UEVLD: variants seen among roughly 807,000 people sequenced by gnomAD.
UEVLD encodes ubiquitin-conjugating enzyme E2 variant 3.
UEVLD carries 47 observed loss-of-function variants against 58.6 expected under a neutral mutation model. The ratio of observed to expected loss-of-function variants is 0.80; its 90% CI spans 0.63 to 1.02. The LOEUF (loss-of-function observed/expected upper bound fraction) is 1.02, where lower values mean the gene tolerates loss of function less well. UEVLD is among the 50% of genes least tolerant of loss of function. The pLI, the probability that UEVLD is intolerant of heterozygous loss-of-function variation, is 0.00. For missense variants in UEVLD, 510 were observed against 550.6 expected, an observed-to-expected ratio of 0.93 and a Z score of 0.74; for synonymous variants, 197 against 195.3, an observed-to-expected ratio of 1.01 and a Z score of -0.07.
chr11:18,560,122 CACACACACACACACACAGAG>C (rs1175033649), intron 6 of UEVLD, among the ~76,000 whole-genome samples: 15 of 88,222 alleles, frequency 1.7e-4, no homozygotes, highest in African/African-American at 2.7e-4. Flanking sequence ...CACACACACA[CACACACACACACACACAGAG>C]AGAGAAAGAA....
intron 7 of UEVLD, among the ~76,000 whole-genome samples, chr11:18,555,675 T>C (rs954582663): frequency 2.0e-5 from 3 of 152,168 alleles, no homozygotes; most frequent in Admixed American, 6.5e-5. Flanking sequence ...AAGCTGGGTA[T>C]GGTGACGTGC....
Position 18,546,999 on chromosome 11 carries a change from A to G in UEVLD, c.767T>C (p.Leu256Ser), listed in dbSNP as rs536368899. 1.2e-6 allele frequency: 2 copies of G among 1,614,116 alleles called. No homozygotes were observed. Among genetic ancestry groups the G allele is most frequent in the Admixed American group, 1.7e-5 (1 of 59,990 alleles). The change falls in exon 8 of 12, where the codon TTG (leucine) becomes TCG (serine). Residue 256 changes from leucine (L) to serine (S), a missense_variant. Physicochemically the swap from Leu to Ser is moderately radical, Grantham distance 145 (BLOSUM62 -2). Coordinates refer to ENST00000396197, the MANE Select transcript of UEVLD (RefSeq NM_001040697.4). ...ATCAAGGTACGACTGAGAACTACCCAAAGAGTTGACTGTGAAGATCACCAC... is the reference window on the plus strand; with the variant it reads ...ATCAAGGTACGACTGAGAACTACCCGAAGAGTTGACTGTGAAGATCACCAC... ...SKVVIFTVNS[L>S]GSSQSYLDVV...
At chr11:18,535,754 C>G (rs576498599) in intron 10 of UEVLD, among the ~76,000 whole-genome samples, 4 of 152,184 alleles carry the variant, frequency 2.6e-5, no homozygotes, top group African/African-American at 7.2e-5. Context: ...ATGGCTTATC[C>G]ATTCATATTA....
At position 18,567,897 on chromosome 11, in the gene UEVLD, C is replaced by T. The variant is rs143459125; in HGVS notation, c.358-1415G>A. Among the ~76,000 whole-genome samples, 1,121 of 152,294 alleles carry T rather than the reference C, an allele frequency of 7.4e-3. 13 individuals are homozygous for T. The highest frequency in any genetic ancestry group is 0.026 in the African/African-American group (1,070 of 41,570). ...CTGTGGCTCACACTTGTAATCCCAT[C>T]ACTTTGGGAGGCTGAGGTGGGAGGA... On this transcript the variant is annotated intron_variant, in intron 4 of 11. Coordinates refer to ENST00000396197, the MANE Select transcript of UEVLD (RefSeq NM_001040697.4).
intron 6 of UEVLD, among the ~76,000 whole-genome samples, chr11:18,561,457 C>G (rs1852027629): frequency 6.6e-6 from 1 of 151,634 alleles, no homozygotes; most frequent in African/African-American, 2.4e-5. Flanking sequence ...ATTAACCAGG[C>G]ATGGTGGCAC....
At chr11:18,541,597 C>G (rs1851057190) in intron 9 of UEVLD, among the ~76,000 whole-genome samples, 1 of 152,134 alleles carries the variant, frequency 6.6e-6, no homozygotes, top group Non-Finnish European at 1.5e-5. Flanking sequence ...CAGATAAGAA[C>G]AAGCAGCAGG....
intron 1 of UEVLD, among the ~76,000 whole-genome samples, chr11:18,587,447 G>A (rs1270460171): frequency 6.6e-6 from 1 of 152,120 alleles, no homozygotes; most frequent in Admixed American, 6.5e-5. Context: ...AAAGAAAGAG[G>A]CAAGTATAAC....
intron 7 of UEVLD, among the ~76,000 whole-genome samples, chr11:18,548,419 A>G (rs1565116385): frequency 1.3e-5 from 2 of 152,076 alleles, no homozygotes. Context: ...TAAGCCTCTA[A>G]GGCCATCTTT....
At chr11:18,587,357 A>T (rs1001526366) in intron 1 of UEVLD, among the ~76,000 whole-genome samples, 2 of 152,230 alleles carry the variant, frequency 1.3e-5, no homozygotes, top group Non-Finnish European at 2.9e-5. Context: ...CGCAGTAGAT[A>T]AATTCATTCA....
Position 18,532,309 on chromosome 11 carries a change from G to T in UEVLD, c.*11C>A, listed in dbSNP as rs538141198. 1.0e-5 allele frequency: 16 copies of T among 1,590,482 alleles called. No homozygotes were observed. Among genetic ancestry groups the T allele is most frequent in the African/African-American group, 8.1e-5 (6 of 73,686 alleles). ...AGGTAGAAGTCCAGCCTCTCAAATTGCATTTGAGAATCAAAGTTTTAACTG... is the reference window on the plus strand; with the variant it reads ...AGGTAGAAGTCCAGCCTCTCAAATTTCATTTGAGAATCAAAGTTTTAACTG... On this transcript the variant is annotated 3_prime_UTR_variant, in exon 12 of 12. Transcript: ENST00000396197.
In UEVLD at chr11:18,532,202, C is replaced by T. The variant is rs546138364; in HGVS notation, c.*118G>A. On this transcript the variant is annotated 3_prime_UTR_variant, in exon 12 of 12. Coordinates refer to ENST00000396197, the MANE Select transcript of UEVLD (RefSeq NM_001040697.4). ...CTAATCAAGAAACCCTCTACTTTAACCAAGCAGTTTGTAAAAGTAAGTAGC... is the reference window on the plus strand; with the variant it reads ...CTAATCAAGAAACCCTCTACTTTAATCAAGCAGTTTGTAAAAGTAAGTAGC... The T allele has an allele frequency of 8.2e-6, 8 of 979,154 alleles. No individual in the cohort carries two copies. In the East Asian group the frequency reaches 1.1e-4, roughly 13 times the overall value. 60.7% of individuals were successfully genotyped at this position (979,154 alleles called of 1,614,324 possible). A position where few individuals can be genotyped will look rare whatever the true frequency, so the allele number is the denominator to read the frequency against.
At position 18,537,623 on chromosome 11, in the gene UEVLD, G is replaced by A. The variant is rs189413245; in HGVS notation, c.1061-1154C>T. Among the ~76,000 whole-genome samples the A allele has an allele frequency of 3.6e-4, 54 of 151,764 alleles. No individual in the cohort carries two copies. In the East Asian group the frequency reaches 4.1e-3, roughly 11 times the overall value. On this transcript the variant is annotated intron_variant, in intron 9 of 11. Coordinates refer to ENST00000396197, the MANE Select transcript of UEVLD (RefSeq NM_001040697.4). ...TAGGATTACAGGTGTGAGCCACTGC[G>A]CCTGGCCAGACTAGAAATTTATATC...
At chr11:18,564,725 A>C (rs543016480) in intron 6 of UEVLD, among the ~76,000 whole-genome samples, 167 bp downstream of exon 6, 1 of 152,224 alleles carries the variant, frequency 6.6e-6, no homozygotes, top group Non-Finnish European at 1.5e-5. Flanking sequence ...AAAAGGCAAC[A>C]TCACTGATGA....
Position 18,534,428 on chromosome 11 carries a change from C to T in UEVLD, c.1150G>A (p.Gly384Ser). 1 of 1,574,626 alleles carries T rather than the reference C, an allele frequency of 6.4e-7. No homozygotes were observed. Among genetic ancestry groups the T allele is most frequent in the Non-Finnish European group, 8.6e-7 (1 of 1,168,168 alleles). Residue 384 changes from glycine (G) to serine (S), a missense_variant, in exon 11 of 12, where the codon GGT becomes AGT. Transcript: ENST00000396197. The part of the protein sequence containing the change: ...NRAMELLRVK[G>S]QRSWSVGLSV... Reference sequence around the variant, plus strand: ...AGTCCAACAGACCAGGATCTTTGACCTTTTACTCTTAGCAGTTCCATGGCT... The same window carrying T: ...AGTCCAACAGACCAGGATCTTTGACTTTTTACTCTTAGCAGTTCCATGGCT...
chr11:18,584,642 T>A (rs952300272), intron 1 of UEVLD, among the ~76,000 whole-genome samples: 5 of 152,224 alleles, frequency 3.3e-5, no homozygotes, highest in Admixed American at 6.5e-5. Context: ...TTGTTTGCTT[T>A]GTTTTTTTGA....
chr11:18,547,993 ACTC>A (rs1285465333), intron 7 of UEVLD, among the ~76,000 whole-genome samples: 1 of 151,914 alleles, frequency 6.6e-6, no homozygotes, highest in Non-Finnish European at 1.5e-5. Flanking sequence ...GGGCTCAAGT[ACTC>A]CTCCTGCTTC....
At chr11:18,566,539 C>T (rs1852313223) in intron 4 of UEVLD, 57 bp from the exon 5 acceptor site, 3 of 1,576,578 alleles carry the variant, frequency 1.9e-6, no homozygotes. Flanking sequence ...AAGAATACTA[C>T]CTTTGTTGAG....
chr11:18,549,051 C>T (rs1333102537), intron 7 of UEVLD, among the ~76,000 whole-genome samples: 1 of 152,178 alleles, frequency 6.6e-6, no homozygotes, highest in Non-Finnish European at 1.5e-5. Context: ...ATCTAATCAA[C>T]AATACACAAT....
rs772071062 is a variant in UEVLD at position 18,588,668 on chromosome 11, C to A, written c.-14G>T. On this transcript the variant is annotated 5_prime_UTR_variant, in exon 1 of 12. Coordinates refer to ENST00000396197, the MANE Select transcript of UEVLD (RefSeq NM_001040697.4). ...GTCGAACTCCATCTCCAGGCCGGTCCCGAGCTAGGTCCCAGGACTCCAGCC... is the reference window on the plus strand; with the variant it reads ...GTCGAACTCCATCTCCAGGCCGGTCACGAGCTAGGTCCCAGGACTCCAGCC... 37 of 1,607,988 alleles carry A rather than the reference C, an allele frequency of 2.3e-5. 1 individual carries two copies. In the South Asian group the frequency reaches 3.3e-4, roughly 14 times the overall value.
Sources: allele counts gnomAD v4.1 joint callset (sites outside exome capture counted in the v4.1 genomes callset), GRCh38; gene constraint gnomAD v4.1.1; transcripts MANE v1.5; gene names NCBI Gene and HGNC (gene_info 2026-07-23, HGNC 2026-07-21).